Variants in AFG2A observed in about 807,000 individuals in gnomAD.
AFG2A encodes the protein ATPase family gene 2 protein homolog A.
the AFG2A span, among the ~76,000 whole-genome samples, chr4:122,951,507 G>A: frequency 6.6e-6 from 1 of 151,912 alleles, no homozygotes; most frequent in African/African-American, 2.4e-5. Context: ...TATTGATGAA[G>A]ACAATATTTA....
chr4:122,931,237 T>G, the AFG2A span, among the ~76,000 whole-genome samples: 2 of 150,450 alleles, frequency 1.3e-5, no homozygotes, highest in African/African-American at 4.8e-5. Flanking sequence ...CAAAAGTAAA[T>G]GTAAGCATTT....
chr4:123,057,283 G>A, the AFG2A span: 1 of 1,613,298 alleles, frequency 6.2e-7, no homozygotes, highest in South Asian at 1.1e-5. Context: ...CAGTTGAAAG[G>A]GGCAGGTAAG....
At chr4:122,953,924 C>T in the AFG2A span, among the ~76,000 whole-genome samples, 1 of 152,354 alleles carries the variant, frequency 6.6e-6, no homozygotes, top group African/African-American at 2.4e-5. Context: ...ACTAGCACAC[C>T]ATACCATTGG....
At chr4:122,948,387 TACACACACACAC>T in the AFG2A span, among the ~76,000 whole-genome samples, 316 of 129,612 alleles carry the variant, frequency 2.4e-3, no homozygotes, top group Middle Eastern at 7.4e-3. Flanking sequence ...CTCCAGAGTA[TACACACACACAC>T]ACACACACAC....
the AFG2A span, among the ~76,000 whole-genome samples, chr4:123,088,065 G>A: frequency 6.6e-6 from 1 of 152,108 alleles, no homozygotes; most frequent in Admixed American, 6.5e-5. Context: ...CAAACTCCAT[G>A]ATTTGGATAA....
At chr4:122,980,094 A>G in the AFG2A span, among the ~76,000 whole-genome samples, 1 of 152,202 alleles carries the variant, frequency 6.6e-6, no homozygotes, top group Non-Finnish European at 1.5e-5. Context: ...CATCACCACA[A>G]AGATCCCTCA....
chr4:123,076,042 C>T, the AFG2A span, among the ~76,000 whole-genome samples: 4 of 151,716 alleles, frequency 2.6e-5, no homozygotes, highest in Admixed American at 2.6e-4. Flanking sequence ...CCTATAATCT[C>T]AGCACTTTGG....
the AFG2A span, among the ~76,000 whole-genome samples, chr4:123,133,546 T>C: frequency 6.6e-6 from 1 of 150,852 alleles, no homozygotes; most frequent in Non-Finnish European, 1.5e-5. Context: ...TATTTATATA[T>C]ATTTTTTGTT....
the AFG2A span, among the ~76,000 whole-genome samples, chr4:123,086,237 T>G: frequency 6.6e-6 from 1 of 152,200 alleles, no homozygotes; most frequent in South Asian, 2.1e-4. Context: ...AACAAATTCC[T>G]TATTTTTATT....
At chr4:123,179,386 G>A in the AFG2A span, among the ~76,000 whole-genome samples, 3 of 152,124 alleles carry the variant, frequency 2.0e-5, no homozygotes. Context: ...TGGCACCCAG[G>A]CTGGAGTGCA....
chr4:123,181,721 G>T, the AFG2A span, among the ~76,000 whole-genome samples: 1 of 152,286 alleles, frequency 6.6e-6, no homozygotes, highest in South Asian at 2.1e-4. Context: ...CCTAGTTCTA[G>T]ATCAAGTTCT....
the AFG2A span, chr4:122,927,620 C>A: frequency 4.4e-6 from 7 of 1,590,538 alleles, no homozygotes; most frequent in Non-Finnish European, 5.1e-6. Context: ...AAATAATTTT[C>A]TTTTCCTTCA....
chr4:123,229,717 A>C, the AFG2A span, among the ~76,000 whole-genome samples: 4 of 151,906 alleles, frequency 2.6e-5, no homozygotes, highest in Non-Finnish European at 5.9e-5. Context: ...AAATATCGCA[A>C]GTTTTGAGAG....
the AFG2A span, among the ~76,000 whole-genome samples, chr4:123,008,964 T>C: frequency 6.6e-6 from 1 of 152,214 alleles, no homozygotes; most frequent in African/African-American, 2.4e-5. Context: ...CCTATCTGTC[T>C]GTGCATCTGT....
the AFG2A span, among the ~76,000 whole-genome samples, chr4:123,208,651 G>A: frequency 6.6e-5 from 10 of 152,194 alleles, no homozygotes; most frequent in South Asian, 4.2e-4. Context: ...CATCAATGTC[G>A]TTATGGATAG....
At chr4:122,929,371 A>C in the AFG2A span, among the ~76,000 whole-genome samples, 1 of 152,228 alleles carries the variant, frequency 6.6e-6, no homozygotes, top group African/African-American at 2.4e-5. Flanking sequence ...GTATATATAA[A>C]AATGTATTTT....
chr4:123,112,066 A>G, the AFG2A span, among the ~76,000 whole-genome samples: 1 of 152,206 alleles, frequency 6.6e-6, no homozygotes, highest in Non-Finnish European at 1.5e-5. Flanking sequence ...TATTAATAAT[A>G]AAATTGCTTT....
chr4:123,304,950 C>T, the AFG2A span, among the ~76,000 whole-genome samples: 7 of 152,180 alleles, frequency 4.6e-5, no homozygotes, highest in African/African-American at 9.6e-5. Context: ...TAGCCATGAC[C>T]TTGTGTGTAC....
chr4:123,136,712 C>G, the AFG2A span, among the ~76,000 whole-genome samples: 1 of 150,666 alleles, frequency 6.6e-6, no homozygotes, highest in Middle Eastern at 3.2e-3. Flanking sequence ...CGTGGTGGCA[C>G]ATTCCTGTAA....
Sources: allele counts gnomAD v4.1 joint callset (sites outside exome capture counted in the v4.1 genomes callset), GRCh38; gene constraint gnomAD v4.1.1; transcripts MANE v1.5; gene names NCBI Gene and HGNC (gene_info 2026-07-23, HGNC 2026-07-21).